The following SOX5 variants were observed in gnomAD, a reference collection of about 807,000 sequenced individuals.
The protein encoded by SOX5 is transcription factor SOX-5.
A neutral mutation model predicts 92.0 loss-of-function variants in SOX5; 9 were observed. The ratio of observed to expected loss-of-function variants is 0.10; its 90% CI spans 0.06 to 0.17. SOX5 has a LOEUF of 0.17. SOX5 is among the 10% of genes least tolerant of loss of function. The pLI is 1.00. For synonymous variants in SOX5, 344 were observed against 336.3 expected, an observed-to-expected ratio of 1.02 and a Z score of -0.25; for missense variants, 642 against 944.5, an observed-to-expected ratio of 0.68 and a Z score of 4.20.
intron 1 of SOX5, among the ~76,000 whole-genome samples, chr12:24,406,469 T>C (rs1307742140): frequency 2.0e-5 from 3 of 152,100 alleles, no homozygotes; most frequent in African/African-American, 4.8e-5. Flanking sequence ...GAGCTACTTT[T>C]CCCCTCTTCT....
At chr12:23,758,799 T>C (rs1452532551) in intron 3 of SOX5, among the ~76,000 whole-genome samples, 3 of 151,844 alleles carry the variant, frequency 2.0e-5, no homozygotes, top group African/African-American at 7.3e-5. Context: ...TAAGGCTGAT[T>C]ATAGAAAGGC....
intron 3 of SOX5, among the ~76,000 whole-genome samples, chr12:23,802,071 T>C (rs1488984794): frequency 6.6e-6 from 1 of 152,132 alleles, no homozygotes; most frequent in Non-Finnish European, 1.5e-5. Context: ...TCTTTTTCTT[T>C]CTTTCTTTCT....
chr12:23,604,937 T>C (rs1027760024), intron 8 of SOX5, among the ~76,000 whole-genome samples: 1 of 152,198 alleles, frequency 6.6e-6, no homozygotes, highest in Non-Finnish European at 1.5e-5. Flanking sequence ...TCAAGCCCTG[T>C]ATGCCTCTTT....
intron 2 of SOX5, among the ~76,000 whole-genome samples, chr12:23,872,155 G>A (rs967783181): frequency 4.5e-5 from 5 of 110,224 alleles, no homozygotes; most frequent in East Asian, 5.6e-4. Flanking sequence ...CCGCCACCAC[G>A]CCCGGCTAAT....
intron 2 of SOX5, among the ~76,000 whole-genome samples, chr12:23,873,593 T>C (rs930362762): frequency 1.3e-5 from 2 of 152,234 alleles, no homozygotes; most frequent in African/African-American, 2.4e-5. Flanking sequence ...GTGCCAAGTA[T>C]ATCATTCTCA....
At chr12:23,565,048 G>A (rs1946836550) in intron 10 of SOX5, among the ~76,000 whole-genome samples, 1 of 152,096 alleles carries the variant, frequency 6.6e-6, no homozygotes, top group African/African-American at 2.4e-5. Context: ...GATAGAAAAG[G>A]GAAGCTTGAG....
intron 3 of SOX5, among the ~76,000 whole-genome samples, chr12:24,255,095 C>T (rs1435646423): frequency 6.6e-6 from 1 of 152,080 alleles, no homozygotes; most frequent in Non-Finnish European, 1.5e-5. Context: ...TAGATAATAG[C>T]CTAAATCAGT....
At chr12:23,894,418 G>T (rs755275671) in intron 2 of SOX5, among the ~76,000 whole-genome samples, 44 of 152,122 alleles carry the variant, frequency 2.9e-4, no homozygotes, top group Non-Finnish European at 5.3e-4. Context: ...AGTAGAGATG[G>T]GGTTTCACTA....
At chr12:23,538,753 T>TATTA (rs1941193950) in intron 13 of SOX5, among the ~76,000 whole-genome samples, 2 of 151,922 alleles carry the variant, frequency 1.3e-5, no homozygotes, top group Non-Finnish European at 2.9e-5. Flanking sequence ...ATATAAAATT[T>TATTA]ATTAGCTAGC....
chr12:24,402,326 CACAT>C (rs1378845223), intron 1 of SOX5, among the ~76,000 whole-genome samples: 1 of 152,158 alleles, frequency 6.6e-6, no homozygotes, highest in Non-Finnish European at 1.5e-5. Context: ...TGAAAACACA[CACAT>C]AAAGATGTTC....
chr12:24,399,316 C>T (rs1357855209), intron 1 of SOX5, among the ~76,000 whole-genome samples: 1 of 152,184 alleles, frequency 6.6e-6, no homozygotes, highest in Non-Finnish European at 1.5e-5. Context: ...GGTAAAACAA[C>T]TGATTTCTTC....
chr12:23,678,613 G>A (rs943208104), intron 6 of SOX5, among the ~76,000 whole-genome samples: 1 of 151,974 alleles, frequency 6.6e-6, no homozygotes, highest in African/African-American at 2.4e-5. Context: ...TACCTATTCT[G>A]TTTCCCTCAG....
chr12:24,285,057 C>T (rs1018692261), intron 2 of SOX5, among the ~76,000 whole-genome samples: 2 of 151,822 alleles, frequency 1.3e-5, no homozygotes, highest in African/African-American at 4.8e-5. Flanking sequence ...CCCTTGAACC[C>T]GGGAGGTGGA....
chr12:23,603,688 A>G (rs980203198), intron 9 of SOX5, among the ~76,000 whole-genome samples: 11 of 151,960 alleles, frequency 7.2e-5, no homozygotes, highest in Non-Finnish European at 1.5e-4. Context: ...CTAGGCCAAG[A>G]AACATACATT....
chr12:24,133,317 T>A (rs917084374), intron 4 of SOX5, among the ~76,000 whole-genome samples: 3 of 152,176 alleles, frequency 2.0e-5, no homozygotes, highest in Non-Finnish European at 2.9e-5. Context: ...AGGGTAATAG[T>A]TTTACAAACT....
intron 8 of SOX5, among the ~76,000 whole-genome samples, chr12:23,618,216 C>T (rs1046565976): frequency 1.3e-5 from 2 of 152,040 alleles, no homozygotes; most frequent in African/African-American, 4.8e-5. Flanking sequence ...GCTGAAATTC[C>T]CTTCAAAGCA....
intron 6 of SOX5, among the ~76,000 whole-genome samples, chr12:23,727,455 C>T (rs1360886682): frequency 6.6e-6 from 1 of 151,768 alleles, no homozygotes; most frequent in East Asian, 1.9e-4. Flanking sequence ...AATAATAAGA[C>T]CAATAACATA....
intron 9 of SOX5, among the ~76,000 whole-genome samples, chr12:23,600,550 T>TATATATAC (rs1555191125): frequency 7.9e-6 from 1 of 126,818 alleles, no homozygotes; most frequent in African/African-American, 3.0e-5. Context: ...TATATATATA[T>TATATATAC]ATACACATAC....
At chr12:23,798,151 A>G (rs2095598488) in intron 3 of SOX5, among the ~76,000 whole-genome samples, 1 of 151,590 alleles carries the variant, frequency 6.6e-6, no homozygotes, top group African/African-American at 2.4e-5. Flanking sequence ...TATTTTACCT[A>G]TTCATTATAT....
Sources: gnomAD v4.1 joint callset for allele counts (sites outside exome capture counted in the v4.1 genomes callset) on GRCh38, gnomAD v4.1.1 for gene constraint, MANE v1.5 for transcripts, NCBI Gene and HGNC (gene_info 2026-07-23, HGNC 2026-07-21) for gene names.